Variants in MARCHF1 observed in about 807,000 individuals in gnomAD.
MARCHF1 encodes the protein E3 ubiquitin-protein ligase MARCHF1.
Under a neutral mutation model 54.2 loss-of-function variants are expected in MARCHF1, and 40 were observed. That is an observed-to-expected ratio of 0.74 (90% CI 0.57 to 0.96). The LOEUF is 0.96. MARCHF1 is among the 40% of genes least tolerant of loss of function. The probability of loss-of-function intolerance (pLI) is 0.00; values close to 1 mark genes in which losing one functional copy is unlikely to be tolerated. For missense variants in MARCHF1, 586 were observed against 656.5 expected (o/e 0.89, Z 1.17); for synonymous variants, 236 against 236.3 (o/e 1.00, Z 0.01).
chr4:164,349,207 T>C (rs1171280647), intron 1 of MARCHF1, among the ~76,000 whole-genome samples: 1 of 152,204 alleles, frequency 6.6e-6, no homozygotes, highest in Non-Finnish European at 1.5e-5. Flanking sequence ...TGGTATGTAA[T>C]GTATATCCTC....
chr4:164,111,058 C>T (rs1755824416), intron 2 of MARCHF1, among the ~76,000 whole-genome samples: 1 of 151,678 alleles, frequency 6.6e-6, no homozygotes, highest in African/African-American at 2.4e-5. Context: ...TCATATAGAG[C>T]AAAATAAATG....
chr4:163,910,362 T>G (rs187831854), intron 3 of MARCHF1, among the ~76,000 whole-genome samples: 7 of 152,256 alleles, frequency 4.6e-5, no homozygotes, highest in Admixed American at 2.6e-4. Flanking sequence ...TGCCAACAAA[T>G]AAACTAAATC....
chr4:163,769,897 G>A (rs1452278150), intron 4 of MARCHF1, among the ~76,000 whole-genome samples: 3 of 151,984 alleles, frequency 2.0e-5, no homozygotes, highest in Non-Finnish European at 1.5e-5. Flanking sequence ...ACTTATATGT[G>A]CATTTTCTTC....
At chr4:163,672,299 T>TG (rs1200363189) in intron 5 of MARCHF1, among the ~76,000 whole-genome samples, 1 of 152,166 alleles carries the variant, frequency 6.6e-6, no homozygotes, top group Non-Finnish European at 1.5e-5. Flanking sequence ...TTTTAGGTTT[T>TG]GGGGTACATG....
At chr4:164,055,493 G>A (rs759391204) in intron 2 of MARCHF1, among the ~76,000 whole-genome samples, 1 of 151,288 alleles carries the variant, frequency 6.6e-6, no homozygotes, top group African/African-American at 2.4e-5. Flanking sequence ...TGGATGGAAC[G>A]ATCAAGGATG....
At chr4:163,783,807 T>C (rs1191441512) in intron 4 of MARCHF1, among the ~76,000 whole-genome samples, 1 of 152,194 alleles carries the variant, frequency 6.6e-6, no homozygotes, top group Non-Finnish European at 1.5e-5. Context: ...TCTCATAATA[T>C]CTTTCTAAAA....
At chr4:163,694,312 G>T (rs1312873301) in intron 5 of MARCHF1, among the ~76,000 whole-genome samples, 1 of 152,130 alleles carries the variant, frequency 6.6e-6, no homozygotes, top group African/African-American at 2.4e-5. Flanking sequence ...TGTTTCTAAA[G>T]TCCCACTACT....
At chr4:164,046,233 A>G (rs950388616) in intron 2 of MARCHF1, among the ~76,000 whole-genome samples, 10 of 152,206 alleles carry the variant, frequency 6.6e-5, no homozygotes, top group Non-Finnish European at 1.0e-4. Context: ...CTGGACTGTC[A>G]ACAAATCTGC....
chr4:163,884,106 T>C (rs1286863291), intron 3 of MARCHF1, among the ~76,000 whole-genome samples: 1 of 151,988 alleles, frequency 6.6e-6, no homozygotes, highest in East Asian at 1.9e-4. Flanking sequence ...AGCAAAGGAG[T>C]TGATGGTTGA....
chr4:164,285,500 T>C (rs1475713910), intron 1 of MARCHF1, among the ~76,000 whole-genome samples: 2 of 152,052 alleles, frequency 1.3e-5, no homozygotes, highest in Admixed American at 6.5e-5. Flanking sequence ...TGGAGTGCAG[T>C]GGCGCGATCT....
chr4:164,076,762 T>C (rs1754990149), intron 2 of MARCHF1, among the ~76,000 whole-genome samples: 1 of 152,178 alleles, frequency 6.6e-6, no homozygotes, highest in Admixed American at 6.5e-5. Flanking sequence ...AGCCAAATCA[T>C]GAGTGAGCTC....
At chr4:163,869,753 A>G (rs767683897) in intron 3 of MARCHF1, among the ~76,000 whole-genome samples, 17 of 152,082 alleles carry the variant, frequency 1.1e-4, no homozygotes, top group Non-Finnish European at 2.2e-4. Context: ...TATTACATGG[A>G]GTTTATAGCT....
intron 4 of MARCHF1, among the ~76,000 whole-genome samples, chr4:163,745,119 T>C (rs966269029): frequency 2.0e-5 from 3 of 150,586 alleles, no homozygotes; most frequent in Non-Finnish European, 3.0e-5. Context: ...TTCTTTCTTT[T>C]TTTTTTTTTT....
At chr4:164,268,718 A>T (rs1325314796) in intron 1 of MARCHF1, among the ~76,000 whole-genome samples, 3 of 152,280 alleles carry the variant, frequency 2.0e-5, no homozygotes, top group African/African-American at 7.2e-5. Flanking sequence ...AATTCTGACT[A>T]CTATTAAAAT....
intron 2 of MARCHF1, among the ~76,000 whole-genome samples, chr4:164,050,856 C>T (rs1754349719): frequency 6.6e-6 from 1 of 152,058 alleles, no homozygotes; most frequent in African/African-American, 2.4e-5. Context: ...TCACTTGAAC[C>T]CAGGAGGCGG....
intron 1 of MARCHF1, among the ~76,000 whole-genome samples, chr4:164,381,484 C>T (rs1440572429): frequency 6.6e-6 from 1 of 152,110 alleles, no homozygotes; most frequent in Non-Finnish European, 1.5e-5. Flanking sequence ...AGATTTCATA[C>T]ATAAAATGTA....
intron 2 of MARCHF1, among the ~76,000 whole-genome samples, chr4:164,071,142 T>C (rs1754854979): frequency 6.6e-6 from 1 of 152,176 alleles, no homozygotes. Flanking sequence ...AATATAGTAA[T>C]ATAAAAATCT....
At chr4:163,696,498 C>T (rs988483102) in intron 5 of MARCHF1, among the ~76,000 whole-genome samples, 3 of 152,110 alleles carry the variant, frequency 2.0e-5, no homozygotes, top group African/African-American at 7.2e-5. Context: ...CACCAAGACT[C>T]TCATGAACTT....
At chr4:164,143,048 G>A (rs564877967) in intron 1 of MARCHF1, among the ~76,000 whole-genome samples, 91 of 147,558 alleles carry the variant, frequency 6.2e-4, no homozygotes, top group Middle Eastern at 3.4e-3. Flanking sequence ...GAGCTGATGC[G>A]ATCAACTGGA....
Sources: gnomAD v4.1 joint callset for allele counts (sites outside exome capture counted in the v4.1 genomes callset) on GRCh38, gnomAD v4.1.1 for gene constraint, MANE v1.5 for transcripts, NCBI Gene and HGNC (gene_info 2026-07-23, HGNC 2026-07-21) for gene names.